The following CTNNA3 variants were observed in gnomAD, a reference collection of about 807,000 sequenced individuals.
CTNNA3 encodes the protein catenin alpha 3.
A neutral mutation model predicts 95.7 loss-of-function variants in CTNNA3; 76 were observed. That is an observed-to-expected ratio of 0.79 (90% confidence interval 0.66 to 0.96). CTNNA3 has a LOEUF of 0.96. CTNNA3 is among the 40% of genes least tolerant of loss of function. The pLI, the probability that CTNNA3 is intolerant of heterozygous loss-of-function variation, is 0.00. For missense variants in CTNNA3, 1,191 were observed against 1,089.8 expected (o/e 1.09, Z -1.31); for synonymous variants, 431 against 374.4 (o/e 1.15, Z -1.74).
chr10:66,768,986 T>C (rs1390650792), intron 8 of CTNNA3, among the ~76,000 whole-genome samples: 1 of 152,152 alleles, frequency 6.6e-6, no homozygotes, highest in Admixed American at 6.5e-5. Context: ...GAGTATAAAC[T>C]TCTGTTTTTA....
chr10:67,327,425 C>A, intron 5 of CTNNA3, among the ~76,000 whole-genome samples: 1 of 152,192 alleles, frequency 6.6e-6, no homozygotes, highest in East Asian at 1.9e-4. Flanking sequence ...TATTTGATGA[C>A]CTTGAAGTTT....
chr10:67,690,529 T>C (rs1298550014), intron 1 of CTNNA3, among the ~76,000 whole-genome samples: 4 of 152,184 alleles, frequency 2.6e-5, no homozygotes, highest in African/African-American at 4.8e-5. Flanking sequence ...AGAGTCCTGA[T>C]TGGTGCATTT....
intron 12 of CTNNA3, among the ~76,000 whole-genome samples, chr10:66,285,932 T>G (rs1341814045): frequency 1.3e-5 from 2 of 151,980 alleles, no homozygotes; most frequent in African/African-American, 4.8e-5. Context: ...CTATGTAAGT[T>G]GTATATGGAA....
At chr10:67,671,589 T>G (rs185869960) in intron 1 of CTNNA3, among the ~76,000 whole-genome samples, 5,182 of 149,946 alleles carry the variant, frequency 0.035, 87 homozygotes, top group Middle Eastern at 0.075. Context: ...AATTCCCACC[T>G]ATGAGTGAGA....
intron 14 of CTNNA3, chr10:66,079,253 T>C (rs1224717101): frequency 6.6e-6 from 1 of 151,986 alleles, no homozygotes; most frequent in African/African-American, 2.4e-5. Context: ...ATTTCTGCTC[T>C]CAAACAGTTT....
At chr10:67,410,259 A>G (rs912755680) in intron 5 of CTNNA3, among the ~76,000 whole-genome samples, 1 of 152,160 alleles carries the variant, frequency 6.6e-6, no homozygotes, top group African/African-American at 2.4e-5. Context: ...ACAGGAACTG[A>G]AAACCAAACA....
intron 4 of CTNNA3, among the ~76,000 whole-genome samples, chr10:67,536,456 T>C (rs1840489579): frequency 6.6e-6 from 1 of 152,196 alleles, no homozygotes; most frequent in Admixed American, 6.5e-5. Flanking sequence ...GGCAGTTGCA[T>C]ATGTTGCATA....
chr10:66,927,337 T>G lies in CTNNA3; in HGVS notation c.1048-151813A>C. 6.2e-7 allele frequency: 1 copy of G among 1,614,166 alleles called. No individual in the cohort carries two copies. The highest frequency in any genetic ancestry group is 8.5e-7 in the Non-Finnish European group (1 of 1,180,034). ...GACAAATTTACGGAACTTGGATCTG[T>G]CCTATAATCAGCTGCATTCTCTGGG... On this transcript the variant is annotated intron_variant, in intron 7 of 17. Coordinates refer to ENST00000433211, the MANE Select transcript of CTNNA3 (RefSeq NM_013266.4). The surrounding 1 kb of genome is among the most constrained non-coding windows in gnomAD (Gnocchi z 4.7).
At chr10:67,443,441 A>T (rs928125186) in intron 5 of CTNNA3, among the ~76,000 whole-genome samples, 58 of 150,488 alleles carry the variant, frequency 3.9e-4, no homozygotes, top group Non-Finnish European at 1.3e-4. Flanking sequence ...ATTTCTCCAC[A>T]TCCTCTCCAG....
At chr10:66,306,317 G>A (rs1232111357) in intron 12 of CTNNA3, among the ~76,000 whole-genome samples, 1 of 152,096 alleles carries the variant, frequency 6.6e-6, no homozygotes, top group Admixed American at 6.5e-5. Flanking sequence ...GTTTAACTAG[G>A]TATTCAATAA....
At chr10:66,025,527 T>C (rs538801808) in intron 15 of CTNNA3, among the ~76,000 whole-genome samples, 2 of 152,220 alleles carry the variant, frequency 1.3e-5, no homozygotes, top group Non-Finnish European at 2.9e-5. Context: ...TAAATTCAGA[T>C]AAATGTGTTT....
chr10:65,920,745 G>C, intron 17 of CTNNA3, 128 bp from the exon 18 acceptor site: 1 of 980,578 alleles, frequency 1.0e-6, no homozygotes, highest in Non-Finnish European at 1.5e-6. Flanking sequence ...AGGATCACTT[G>C]AGCCCAGGAG....
chr10:66,476,939 C>T (rs556619173), intron 11 of CTNNA3, among the ~76,000 whole-genome samples: 1 of 152,166 alleles, frequency 6.6e-6, no homozygotes, highest in Admixed American at 6.6e-5. Flanking sequence ...CATTCCTTGT[C>T]ACTGACTATC....
intron 2 of CTNNA3, among the ~76,000 whole-genome samples, chr10:67,640,914 C>A (rs1017611902): frequency 2.0e-5 from 3 of 152,058 alleles, no homozygotes; most frequent in African/African-American, 7.2e-5. Context: ...AGAAGAAAAC[C>A]TAGGCAATAC....
intron 5 of CTNNA3, among the ~76,000 whole-genome samples, chr10:67,485,711 G>C (rs969839735): frequency 6.6e-6 from 1 of 152,158 alleles, no homozygotes; most frequent in Non-Finnish European, 1.5e-5. Context: ...CCTTTGAACA[G>C]GAGTATGTGG....
At chr10:67,232,130 G>A (rs1014496084) in intron 5 of CTNNA3, among the ~76,000 whole-genome samples, 2 of 151,962 alleles carry the variant, frequency 1.3e-5, no homozygotes, top group Non-Finnish European at 1.5e-5. Flanking sequence ...AGCAAGGCAG[G>A]CCAACATTCA....
At chr10:66,338,562 C>T (rs1265798715) in intron 12 of CTNNA3, among the ~76,000 whole-genome samples, 3 of 151,760 alleles carry the variant, frequency 2.0e-5, no homozygotes, top group Non-Finnish European at 4.4e-5. Flanking sequence ...AAAGAAAAAG[C>T]TGAAAACTTG....
At position 67,645,921 on chromosome 10, in the gene CTNNA3, T is replaced by C. The variant is rs1449849449; in HGVS notation, c.99+1494A>G. On this transcript the variant is annotated intron_variant, in intron 2 of 17. Transcript: ENST00000433211. ...GCATATATAGTACTAGCTCCACTTG[T>C]TAATATATATATATTCTTCATATAT... Among the ~76,000 whole-genome samples, 4 of 148,008 alleles carry C rather than the reference T, an allele frequency of 2.7e-5. No individual in the cohort carries two copies. The Admixed American group carries it at 2.7e-4, about 10-fold the overall frequency.
At chr10:66,116,377 T>C (rs2082341514) in intron 13 of CTNNA3, among the ~76,000 whole-genome samples, 1 of 152,176 alleles carries the variant, frequency 6.6e-6, no homozygotes, top group Non-Finnish European at 1.5e-5. Flanking sequence ...TTCTACTTGT[T>C]AGTATTTACC....
Sources: gnomAD v4.1 joint callset for allele counts (sites outside exome capture counted in the v4.1 genomes callset) on GRCh38, gnomAD v4.1.1 for gene constraint, Gnocchi (gnomAD v3.1) non-coding constraint, MANE v1.5 for transcripts, NCBI Gene and HGNC (gene_info 2026-07-23, HGNC 2026-07-21) for gene names.